The following PATE4 variants were observed in gnomAD, a reference collection of about 807,000 sequenced individuals.
PATE4 encodes prostate and testis expressed protein 4.
PATE4 carries 13 observed loss-of-function variants against 8.5 expected under a neutral mutation model. That is an observed-to-expected ratio of 1.53 (90% CI 1.00 to 2.43). The LOEUF (loss-of-function observed/expected upper bound fraction) is 2.43, where lower values mean the gene tolerates loss of function less well. PATE4 is among the 30% of genes most tolerant of loss of function. The pLI is 0.00. For synonymous variants in PATE4, 47 were observed against 39.3 expected (o/e 1.20, Z -0.73); for missense variants, 127 against 115.5 (o/e 1.10, Z -0.46).
In PATE4 at chr11:125,838,479, C is replaced by A; in HGVS notation, c.*52C>A. 1 of 1,502,384 alleles carries A rather than the reference C, an allele frequency of 6.7e-7. No homozygotes were observed. Among genetic ancestry groups the A allele is most frequent in the Admixed American group, 2.4e-5 (1 of 41,814 alleles). The allele number at this position is 1,502,384 out of a possible 1,614,324, so 93.1% of individuals were successfully genotyped here. ...ATCTGATCAAGATCCAGAATCAAGA[C>A]CAACCAACATGAACTGTTTTATTTC... On this transcript the variant is annotated 3_prime_UTR_variant, in exon 3 of 3. Coordinates refer to ENST00000457514, the MANE Select transcript of PATE4 (RefSeq NM_001144874.1).
chr11:125,833,506 GCTGAGACCCAAAGA>G, intron 1 of PATE4, 89 bp downstream of exon 1: 1 of 1,237,160 alleles, frequency 8.1e-7, no homozygotes, highest in Non-Finnish European at 1.1e-6. Context: ...ACATGCTCCA[GCTGAGACCCAAAGA>G]CTCAGTACAA....
In PATE4 at chr11:125,838,424, C is replaced by T; in HGVS notation, c.294C>T (p.Phe98=). ...LCCDRNFCNV[F] ...GTGACAGAAACTTCTGTAATGTCTT[C>T]TAATGGAGCTTAGGAACTTGCAGAG... is the stretch of plus-strand genomic sequence containing the variant. The change falls in exon 3 of 3, where the codon TTC becomes TTT. Residue 98 remains phenylalanine, a synonymous_variant. Coordinates refer to ENST00000457514, the MANE Select transcript of PATE4 (RefSeq NM_001144874.1). 2 of 1,543,504 alleles carry T rather than the reference C, an allele frequency of 1.3e-6. No homozygotes were observed. The highest frequency in any genetic ancestry group is 1.7e-6 in the Non-Finnish European group (2 of 1,145,022).
Position 125,838,600 on chromosome 11 carries a change from C to A in PATE4, c.*173C>A. The A allele has an allele frequency of 1.7e-6, 1 of 599,730 alleles. No homozygotes were observed. The highest frequency in any genetic ancestry group is 2.6e-6 in the Non-Finnish European group (1 of 378,136). The allele number at this position is 599,730 out of a possible 1,614,324, so 37.2% of individuals were successfully genotyped here. A position where few individuals can be genotyped will look rare whatever the true frequency, so the allele number is the denominator to read the frequency against. ...GGCTCCCCACACCCCACCTCCACCA[C>A]TAGATTCCTAAAATCATGAGCATTG... On this transcript the variant is annotated 3_prime_UTR_variant, in exon 3 of 3. Transcript: ENST00000457514.
At chr11:125,835,256 T>C (rs1261786514) in intron 1 of PATE4, 1 of 152,140 alleles carries the variant, frequency 6.6e-6, no homozygotes, top group East Asian at 1.9e-4. Context: ...CAGGGAGAAA[T>C]TGATAGTGTC....
Position 125,837,953 on chromosome 11 carries a change from T to C in PATE4, c.144T>C (p.Asn48=). 6.4e-7 allele frequency: 1 copy of C among 1,551,532 alleles called. No individual in the cohort carries two copies. The highest frequency in any genetic ancestry group is 2.4e-5 in the East Asian group (1 of 40,926). The change falls in exon 2 of 3, where the codon AAT becomes AAC. Residue 48 remains asparagine, a synonymous_variant. Transcript: ENST00000457514. ...GAGGCACTTGCATTGCAAAAGAAAATGAGTTATGTTCAACAACAGCCTATT... is the reference window on the plus strand; with the variant it reads ...GAGGCACTTGCATTGCAAAAGAAAACGAGTTATGTTCAACAACAGCCTATT... The part of the protein sequence containing the change: ...AGRGTCIAKE[N]ELCSTTAYFR...
At chr11:125,834,697 T>C (rs143330105) in intron 1 of PATE4, among the ~76,000 whole-genome samples, 80 of 152,336 alleles carry the variant, frequency 5.3e-4, no homozygotes, top group Middle Eastern at 3.4e-3. Flanking sequence ...CTTATAGATA[T>C]ACTCCCACAC....
intron 1 of PATE4, chr11:125,834,895 AG>A (rs994700780): frequency 2.6e-5 from 4 of 152,202 alleles, no homozygotes; most frequent in African/African-American, 9.6e-5. Flanking sequence ...AATTATGAAA[AG>A]GGGGTAAAAA....
intron 1 of PATE4, among the ~76,000 whole-genome samples, 166 bp from the exon 2 acceptor site, chr11:125,837,702 C>A (rs1943930337): frequency 6.6e-6 from 1 of 152,178 alleles, no homozygotes; most frequent in Non-Finnish European, 1.5e-5. Context: ...TTTTATCCAC[C>A]TCCTAGCTTA....
chr11:125,838,159 G>GT, intron 2 of PATE4, 147 bp from the exon 3 acceptor site: 1 of 1,053,642 alleles, frequency 9.5e-7, no homozygotes, highest in Non-Finnish European at 1.3e-6. Context: ...AGTATCCAGA[G>GT]CCAGTTACGG....
At chr11:125,834,401 G>A (rs1943906518) in intron 1 of PATE4, among the ~76,000 whole-genome samples, 1 of 152,002 alleles carries the variant, frequency 6.6e-6, no homozygotes, top group South Asian at 2.1e-4. Context: ...TCACACAAAA[G>A]AAAATGAAAA....
At chr11:125,838,278 C>A in intron 2 of PATE4, 28 bp from the exon 3 acceptor site, 1 of 1,521,052 alleles carries the variant, frequency 6.6e-7, no homozygotes. Flanking sequence ...TCTCCTCCAG[C>A]ATTTATAACA....
chr11:125,836,309 A>G (rs535922463), intron 1 of PATE4, among the ~76,000 whole-genome samples: 1 of 152,268 alleles, frequency 6.6e-6, no homozygotes, highest in Middle Eastern at 3.4e-3. Flanking sequence ...AAATAGGATC[A>G]GATCACTTCC....
chr11:125,837,138 T>C lies in PATE4; in HGVS notation c.59-730T>C, dbSNP rs575190539. ...AACCTTGGAACGTCTGAGATGAAGA[T>C]TGAAATAATCTACTTTCCCCATCAT... is the stretch of plus-strand genomic sequence containing the variant. On this transcript the variant is annotated intron_variant, in intron 1 of 2. Transcript: ENST00000457514. Among the ~76,000 whole-genome samples, 58 of 152,292 alleles carry C rather than the reference T, an allele frequency of 3.8e-4. 1 individual carries two copies. The South Asian group carries it at 0.011, about 30-fold the overall frequency.
At chr11:125,837,090 C>T (rs538499681) in intron 1 of PATE4, among the ~76,000 whole-genome samples, 5 of 152,322 alleles carry the variant, frequency 3.3e-5, no homozygotes, top group African/African-American at 1.2e-4. Context: ...TCCTCCTGGG[C>T]TCCATATAAA....
intron 1 of PATE4, among the ~76,000 whole-genome samples, chr11:125,834,715 A>G (rs1367093627): frequency 1.3e-5 from 2 of 152,218 alleles, no homozygotes; most frequent in South Asian, 2.1e-4. Flanking sequence ...CACAAATGAA[A>G]TATGTTCAGC....
chr11:125,835,755 G>A (rs371956274), intron 1 of PATE4: 1 of 152,086 alleles, frequency 6.6e-6, no homozygotes, highest in Non-Finnish European at 1.5e-5. Flanking sequence ...AAAAGATGAC[G>A]GCACCAGAGC....
rs913071873 is a variant in PATE4 at position 125,839,852 on chromosome 11, G to A, written c.*1425G>A. 1.3e-5 allele frequency: 2 copies of A among 152,128 alleles called. No individual in the cohort carries two copies. The highest frequency in any genetic ancestry group is 2.9e-5 in the Non-Finnish European group (2 of 68,034). The allele number at this position is 152,128 out of a possible 1,614,324, so 9.4% of individuals were successfully genotyped here. ...GGGAATTGAAGATGAAATTTGGGTGGGGACACAGCCAAACCATATCAGTCC... is the reference window on the plus strand; with the variant it reads ...GGGAATTGAAGATGAAATTTGGGTGAGGACACAGCCAAACCATATCAGTCC... On this transcript the variant is annotated 3_prime_UTR_variant, in exon 3 of 3. Coordinates refer to ENST00000457514, the MANE Select transcript of PATE4 (RefSeq NM_001144874.1).
In PATE4 at chr11:125,838,388, GA is replaced by G. The variant is rs1943936113; in HGVS notation, c.259del (p.Thr87HisfsTer16). On this transcript the variant is annotated frameshift_variant, in exon 3 of 3. Transcript: ENST00000457514. LOFTEE classifies it high-confidence loss of function. The stretch of plus-strand genomic sequence containing the variant: ...CCTCCAAAAGAGGCCTGTTGAGAGT[GA>G]CACTGTGCTGTGACAGAAACTTCTG... ...ESSKRGLLRV[T>X]LCCDRNFCNV... 6.4e-7 allele frequency: 1 copy of G among 1,551,332 alleles called. No individual in the cohort carries two copies. Among genetic ancestry groups the G allele is most frequent in the Admixed American group, 2.0e-5 (1 of 50,894 alleles).
Position 125,837,627 on chromosome 11 carries a change from CAT to C in PATE4, c.59-240_59-239del, listed in dbSNP as rs534184068. 1.8e-4 allele frequency among the ~76,000 whole-genome samples: 28 copies of C among 152,312 alleles called. No homozygotes were observed. The East Asian group carries it at 5.0e-3, about 27-fold the overall frequency. On this transcript the variant is annotated intron_variant, in intron 1 of 2. Coordinates refer to ENST00000457514, the MANE Select transcript of PATE4 (RefSeq NM_001144874.1). The stretch of plus-strand genomic sequence containing the variant: ...TCTTTGCTGTTCTTTTATTATTTCA[CAT>C]GTTTATCTTGCCTTCAAATATAAAT...
Sources: gnomAD v4.1 joint callset for allele counts (sites outside exome capture counted in the v4.1 genomes callset) on GRCh38, gnomAD v4.1.1 for gene constraint, MANE v1.5 for transcripts, NCBI Gene and HGNC (gene_info 2026-07-23, HGNC 2026-07-21) for gene names.